HRH1: variants seen among roughly 807,000 people sequenced by gnomAD.
HRH1 encodes the protein histamine H1 receptor.
In HRH1, 6 loss-of-function variants were observed where a neutral mutation model predicts 10.3. The observed-to-expected ratio is 0.58, with a 90% confidence interval of 0.32 to 1.15. The LOEUF (loss-of-function observed/expected upper bound fraction) is 1.15, where lower values mean the gene tolerates loss of function less well. HRH1 is among the 50% of genes most tolerant of loss of function. HRH1 has a pLI of 0.05. For synonymous variants in HRH1, 242 were observed against 236.7 expected (o/e 1.02, Z -0.21); for missense variants, 514 against 615.3 (o/e 0.84, Z 1.74).
chr3:11,177,711 G>A (rs1315170538), intron 1 of HRH1, among the ~76,000 whole-genome samples: 1 of 152,214 alleles, frequency 6.6e-6, no homozygotes, highest in African/African-American at 2.4e-5. Context: ...TGCTGGCCTA[G>A]TACATCCCAG....
chr3:11,167,784 A>G (rs1010076247), intron 1 of HRH1, among the ~76,000 whole-genome samples: 2 of 152,228 alleles, frequency 1.3e-5, no homozygotes, highest in African/African-American at 2.4e-5. Context: ...GCTCATGGGT[A>G]GTCATGACAT....
At chr3:11,239,293 G>A (rs1192468734) in intron 1 of HRH1, among the ~76,000 whole-genome samples, 2 of 152,052 alleles carry the variant, frequency 1.3e-5, no homozygotes, top group Non-Finnish European at 2.9e-5. Flanking sequence ...ATGTGCTTTT[G>A]AGCCATTCCT....
chr3:11,204,888 T>G (rs899237308), intron 1 of HRH1, among the ~76,000 whole-genome samples: 6 of 152,020 alleles, frequency 3.9e-5, no homozygotes, highest in African/African-American at 1.4e-4. Context: ...GCCTGGCCCC[T>G]CCTTTCCCAG....
intron 1 of HRH1, among the ~76,000 whole-genome samples, chr3:11,157,955 A>T (rs1303702144): frequency 2.6e-5 from 4 of 152,214 alleles, no homozygotes; most frequent in Non-Finnish European, 5.9e-5. Context: ...CAACCATAAT[A>T]TCAGCTCTAA....
intron 1 of HRH1, among the ~76,000 whole-genome samples, chr3:11,212,432 G>T (rs1938358522): frequency 6.6e-6 from 1 of 152,078 alleles, no homozygotes. Context: ...ATATTTCATG[G>T]AAGGGCTGAG....
intron 1 of HRH1, among the ~76,000 whole-genome samples, chr3:11,162,559 A>G (rs563093294): frequency 2.7e-5 from 4 of 149,974 alleles, no homozygotes; most frequent in African/African-American, 9.9e-5. Flanking sequence ...GCTCTACGAG[A>G]TGCATATTCA....
chr3:11,193,905 G>GA (rs1559265980), intron 1 of HRH1, among the ~76,000 whole-genome samples: 1 of 152,156 alleles, frequency 6.6e-6, no homozygotes, highest in East Asian at 1.9e-4. Context: ...GGGAGAAAAG[G>GA]AAAAAAGATT....
At chr3:11,176,376 G>A (rs1400215733) in intron 1 of HRH1, among the ~76,000 whole-genome samples, 1 of 152,128 alleles carries the variant, frequency 6.6e-6, no homozygotes, top group African/African-American at 2.4e-5. Flanking sequence ...ATATCATTGT[G>A]ATAATCCAAA....
chr3:11,189,208 A>G (rs1450748966), intron 1 of HRH1, among the ~76,000 whole-genome samples: 1 of 152,092 alleles, frequency 6.6e-6, no homozygotes, highest in African/African-American at 2.4e-5. Context: ...CTGCATCCTC[A>G]GACTAATGTA....
At position 11,263,146 on chromosome 3, in the gene HRH1, A is replaced by C. The variant is rs1373088254; in HGVS notation, c.*2645A>C. 1.2e-5 allele frequency: 2 copies of C among 167,046 alleles called. No homozygotes were observed. The highest frequency in any genetic ancestry group is 2.9e-5 in the Non-Finnish European group (2 of 68,118). The allele number at this position is 167,046 out of a possible 1,614,324, so 10.3% of individuals were successfully genotyped here. ...TCTGAACGATGGAAATTAATTTTTG[A>C]ATGTATAAAAGACAACAGACTATGA... On this transcript the variant is annotated 3_prime_UTR_variant, in exon 2 of 2. Transcript: ENST00000431010.
chr3:11,206,591 T>G (rs992165781), intron 1 of HRH1, among the ~76,000 whole-genome samples: 1 of 152,370 alleles, frequency 6.6e-6, no homozygotes, highest in South Asian at 2.1e-4. Context: ...CTGTGCCAGG[T>G]GCTTTACCTA....
intron 1 of HRH1, among the ~76,000 whole-genome samples, chr3:11,228,791 G>A (rs1938963527): frequency 6.6e-6 from 1 of 151,974 alleles, no homozygotes; most frequent in African/African-American, 2.4e-5. Context: ...GTGCGTGCCT[G>A]TTGTCCCAGC....
chr3:11,162,984 G>T (rs926219127), intron 1 of HRH1, among the ~76,000 whole-genome samples: 1 of 152,176 alleles, frequency 6.6e-6, no homozygotes, highest in East Asian at 1.9e-4. Context: ...CTGCTCACTT[G>T]CTCTGAATTG....
intron 1 of HRH1, among the ~76,000 whole-genome samples, chr3:11,163,850 T>C (rs932163410): frequency 4.6e-5 from 7 of 152,140 alleles, no homozygotes; most frequent in African/African-American, 1.7e-4. Flanking sequence ...CTTCCCTGAA[T>C]ACCCCCCACC....
chr3:11,140,439 C>A (rs554642167), intron 1 of HRH1, among the ~76,000 whole-genome samples: 1 of 152,276 alleles, frequency 6.6e-6, no homozygotes, highest in South Asian at 2.1e-4. Context: ...CAAGGCTCTT[C>A]CACACACCCA....
chr3:11,246,029 TAC>T (rs920242593), intron 1 of HRH1, among the ~76,000 whole-genome samples: 5 of 150,556 alleles, frequency 3.3e-5, no homozygotes, highest in Non-Finnish European at 5.9e-5. Context: ...CTCACACTCA[TAC>T]ACACACTCAC....
chr3:11,248,150 T>G (rs547274501), intron 1 of HRH1, among the ~76,000 whole-genome samples: 1 of 152,220 alleles, frequency 6.6e-6, no homozygotes, highest in Non-Finnish European at 1.5e-5. Context: ...AACTCCGCCT[T>G]TTTCAGCTAA....
In HRH1 at chr3:11,260,288, G is replaced by T. The variant is rs765705398; in HGVS notation, c.1251G>T (p.Leu417Phe). The change falls in exon 2 of 2, where the codon TTG becomes TTT. Residue 417 changes from leucine (L) to phenylalanine (F), a missense_variant. Physicochemically the swap from Leu to Phe is conservative, Grantham distance 22 (BLOSUM62 0). Coordinates refer to ENST00000431010, the MANE Select transcript of HRH1 (RefSeq NM_001098212.2). ...MNRERKAAKQ[L>F]GFIMAAFILC... is the part of the protein sequence containing the mutation. ...GCGAAAGGAAGGCCGCCAAACAGTT[G>T]GGTTTTATCATGGCAGCCTTCATCC... is the stretch of plus-strand genomic sequence containing the variant. 1 of 1,614,028 alleles carries T rather than the reference G, an allele frequency of 6.2e-7. No individual in the cohort carries two copies.
At chr3:11,174,241 G>A (rs1464440046) in intron 1 of HRH1, among the ~76,000 whole-genome samples, 1 of 152,222 alleles carries the variant, frequency 6.6e-6, no homozygotes, top group Non-Finnish European at 1.5e-5. Context: ...CATCGTGTGT[G>A]TCATCTCAGT....
Sources: allele counts gnomAD v4.1 joint callset (sites outside exome capture counted in the v4.1 genomes callset), GRCh38; gene constraint gnomAD v4.1.1; transcripts MANE v1.5; gene names NCBI Gene and HGNC (gene_info 2026-07-23, HGNC 2026-07-21).